ITPR1: variants seen among roughly 807,000 people sequenced by gnomAD.
ITPR1 encodes inositol 1,4,5-trisphosphate-gated calcium channel ITPR1.
In ITPR1, 96 loss-of-function variants were observed where a neutral mutation model predicts 318.4. The observed-to-expected ratio is 0.30, with a 90% CI of 0.26 to 0.36. ITPR1 has a LOEUF of 0.36. ITPR1 is among the 10% of genes least tolerant of loss of function. ITPR1 has a pLI of 1.00. For missense variants in ITPR1, 2,440 were observed against 3,460.2 expected (o/e 0.71, Z 7.40); for synonymous variants, 1,312 against 1,289.9 (o/e 1.02, Z -0.37).
chr3:4,516,490 A>G lies in ITPR1; in HGVS notation c.-2A>G, dbSNP rs369723935. On this transcript the variant is annotated 5_prime_UTR_variant, in exon 3 of 62. Coordinates refer to ENST00000649015, the MANE Select transcript of ITPR1 (RefSeq NM_001378452.1). Reference sequence around the variant, plus strand: ...ACTTTGTCTAGGATTTTCAAGAAAGACATGTCTGACAAAATGTCTAGCTTC... The same window carrying G: ...ACTTTGTCTAGGATTTTCAAGAAAGGCATGTCTGACAAAATGTCTAGCTTC... 580 of 1,551,514 alleles carry G rather than the reference A, an allele frequency of 3.7e-4. 1 individual carries two copies. The highest frequency in any genetic ancestry group is 4.6e-4 in the Non-Finnish European group (530 of 1,140,604).
chr3:4,583,775 T>C (rs1575606355), intron 4 of ITPR1, among the ~76,000 whole-genome samples: 1 of 152,198 alleles, frequency 6.6e-6, no homozygotes, highest in Admixed American at 6.5e-5. Flanking sequence ...CTCTGGGGTA[T>C]CTGATTTGAA....
At chr3:4,720,807 C>T (rs574289183) in intron 40 of ITPR1, among the ~76,000 whole-genome samples, 1 of 151,982 alleles carries the variant, frequency 6.6e-6, no homozygotes, top group East Asian at 1.9e-4. Context: ...GAGGGGGAAA[C>T]AGGAGAAACA....
intron 4 of ITPR1, among the ~76,000 whole-genome samples, chr3:4,576,574 A>C (rs2088686293): frequency 6.6e-6 from 1 of 152,230 alleles, no homozygotes; most frequent in African/African-American, 2.4e-5. Context: ...ACAGAAAAAG[A>C]AAATTTATCT....
intron 4 of ITPR1, among the ~76,000 whole-genome samples, chr3:4,523,330 C>T (rs2082709870): frequency 6.6e-6 from 1 of 151,986 alleles, no homozygotes; most frequent in African/African-American, 2.4e-5. Context: ...TTTAAATCGA[C>T]ATATATTTAT....
chr3:4,761,292 T>C lies in ITPR1; in HGVS notation c.5545-5238T>C, dbSNP rs866397786. Among the ~76,000 whole-genome samples the C allele has an allele frequency of 5.3e-5, 8 of 152,310 alleles. No individual in the cohort carries two copies. In the Middle Eastern group the frequency reaches 0.014, roughly 259 times the overall value. ...CCCCGCCCAGGCACTCCCCACTGTC[T>C]GTTGTTCCCCTCTTTATGTCCATGA... On this transcript the variant is annotated intron_variant, in intron 44 of 61. Transcript: ENST00000649015.
chr3:4,502,803 C>T (rs2081119763), intron 2 of ITPR1, among the ~76,000 whole-genome samples: 1 of 152,020 alleles, frequency 6.6e-6, no homozygotes, highest in Non-Finnish European at 1.5e-5. Flanking sequence ...GCCTTACAGC[C>T]AGGCATCGTG....
chr3:4,639,576 C>A, intron 6 of ITPR1, 106 bp downstream of exon 6: 1 of 788,138 alleles, frequency 1.3e-6, no homozygotes, highest in Non-Finnish European at 2.1e-6. Flanking sequence ...AGCAGGACTC[C>A]ATGGAGGCAG....
At chr3:4,665,335 C>G (rs749338967) in intron 17 of ITPR1, 39 bp downstream of exon 17, 32 of 1,574,064 alleles carry the variant, frequency 2.0e-5, no homozygotes, top group Admixed American at 3.6e-5. Flanking sequence ...TTGTCAGTTT[C>G]CTCCCTGAAG....
chr3:4,500,316 A>T (rs2080923322), intron 2 of ITPR1, among the ~76,000 whole-genome samples: 1 of 151,818 alleles, frequency 6.6e-6, no homozygotes, highest in African/African-American at 2.4e-5. Flanking sequence ...CCTCTCACCT[A>T]ATCCTCCTGA....
intron 52 of ITPR1, among the ~76,000 whole-genome samples, chr3:4,790,146 T>G (rs1234356450): frequency 2.0e-5 from 3 of 152,198 alleles, no homozygotes; most frequent in Admixed American, 2.0e-4. Flanking sequence ...AGATGAGATA[T>G]CTCCTTATCC....
intron 49 of ITPR1, among the ~76,000 whole-genome samples, chr3:4,781,318 T>G (rs1465785925): frequency 6.6e-6 from 1 of 152,168 alleles, no homozygotes; most frequent in Non-Finnish European, 1.5e-5. Flanking sequence ...TAGTACAAAT[T>G]AGAGGTTGAA....
At chr3:4,774,352 G>A (rs2046358097) in intron 46 of ITPR1, among the ~76,000 whole-genome samples, 1 of 152,206 alleles carries the variant, frequency 6.6e-6, no homozygotes, top group South Asian at 2.1e-4. Flanking sequence ...TACATACTTT[G>A]TGAGTAGAAG....
chr3:4,647,152 G>A (rs2093476908), intron 10 of ITPR1, among the ~76,000 whole-genome samples: 1 of 151,940 alleles, frequency 6.6e-6, no homozygotes, highest in African/African-American at 2.4e-5. Flanking sequence ...ACAGTATACA[G>A]TCTTTATGTT....
rs144791220 is a variant in ITPR1, at chr3:4,544,047, C to CTT, written c.163+22961_163+22962dup. Among the ~76,000 whole-genome samples, 182 of 151,418 alleles carry CTT rather than the reference C, an allele frequency of 1.2e-3. 4 individuals carry two copies. The highest frequency in any genetic ancestry group is 4.7e-3 in the Admixed American group (72 of 15,214). ...GTGAGCTCTCCTTTCATTCCTGTTC[C>CTT]TTTTTTTTTAAGACAACAAAAACTT... On this transcript the variant is annotated intron_variant, in intron 4 of 61. Coordinates refer to ENST00000649015, the MANE Select transcript of ITPR1 (RefSeq NM_001378452.1).
At chr3:4,807,092 G>A (rs867938138) in intron 55 of ITPR1, among the ~76,000 whole-genome samples, 53 of 69,250 alleles carry the variant, frequency 7.7e-4, no homozygotes, top group Non-Finnish European at 1.1e-3. Flanking sequence ...AGAGAGGGGG[G>A]CTTACAAAGA....
chr3:4,645,479 G>A lies in ITPR1; in HGVS notation c.708+9G>A, dbSNP rs766247960. 3.7e-6 allele frequency: 6 copies of A among 1,609,878 alleles called. No individual in the cohort carries two copies. The Admixed American group carries it at 5.0e-5, about 13-fold the overall frequency. On this transcript the variant is annotated intron_variant, in intron 9 of 61. Coordinates refer to ENST00000649015, the MANE Select transcript of ITPR1 (RefSeq NM_001378452.1). ...ACGACATATTAAAGGGGGTGAGTTT[G>A]ATGCTTTATGGGCTGAGCATTACTT...
chr3:4,814,264 T>C (rs1018276594), intron 57 of ITPR1, 159 bp from the exon 58 acceptor site: 3 of 792,342 alleles, frequency 3.8e-6, no homozygotes, highest in Middle Eastern at 3.4e-4. Context: ...CAGACGACTT[T>C]AGCTTTTGAA....
At chr3:4,499,684 C>T (rs961717729) in intron 2 of ITPR1, among the ~76,000 whole-genome samples, 1 of 152,182 alleles carries the variant, frequency 6.6e-6, no homozygotes, top group Non-Finnish European at 1.5e-5. Context: ...GGGTGATACA[C>T]GTCTCCACAG....
At position 4,624,317 on chromosome 3, in the gene ITPR1, A is replaced by G. The variant is rs375942147; in HGVS notation, c.164-3446A>G. Among the ~76,000 whole-genome samples the G allele has an allele frequency of 1.9e-3, 283 of 152,312 alleles. 6 individuals carry two copies. In the South Asian group the frequency reaches 0.055, roughly 30 times the overall value. ...TGACTTAAATATCTTGAATATTTTA[A>G]AAAGTCATGTGGTCATTAAGGAAGC... is the stretch of plus-strand genomic sequence containing the variant. On this transcript the variant is annotated intron_variant, in intron 4 of 61. Coordinates refer to ENST00000649015, the MANE Select transcript of ITPR1 (RefSeq NM_001378452.1).
Sources: gnomAD v4.1 joint callset for allele counts (sites outside exome capture counted in the v4.1 genomes callset) on GRCh38, gnomAD v4.1.1 for gene constraint, MANE v1.5 for transcripts, NCBI Gene and HGNC (gene_info 2026-07-23, HGNC 2026-07-21) for gene names.